Variants in TF observed in about 807,000 individuals in gnomAD.
TF encodes transferrin, also known as serotransferrin.
TF carries 55 observed loss-of-function variants against 82.4 expected under a neutral mutation model. That is an observed-to-expected ratio of 0.67 (90% confidence interval 0.54 to 0.84). The LOEUF is 0.84. Among genes scored for constraint, TF ranks in the 40% least tolerant of loss-of-function variants. The pLI, the probability that TF is intolerant of heterozygous loss-of-function variation, is 0.00. For synonymous variants in TF, 332 were observed against 332.6 expected, an observed-to-expected ratio of 1.00 and a Z score of 0.02; for missense variants, 737 against 868.4, an observed-to-expected ratio of 0.85 and a Z score of 1.90.
the TF span, among the ~76,000 whole-genome samples, chr3:133,719,882 A>G: frequency 2.0e-5 from 3 of 151,930 alleles, no homozygotes; most frequent in Admixed American, 2.0e-4. Context: ...AAATGGAATT[A>G]TTTTCTTGAT....
the TF span, among the ~76,000 whole-genome samples, chr3:133,692,294 C>A: frequency 6.6e-6 from 1 of 152,226 alleles, no homozygotes; most frequent in African/African-American, 2.4e-5. Context: ...TTAGTGTCAT[C>A]GTGTCATCAG....
rs1934824912 is a variant in TF at position 133,791,313 on chromosome 3, C to T, written c.*12693C>T. 1 of 152,116 alleles carries T rather than the reference C, an allele frequency of 6.6e-6. No homozygotes were observed. 9.4% of individuals were successfully genotyped at this position (152,116 alleles called of 1,614,324 possible). ...ATATTTCTCTGTCTGCCCATTTTCT[C>T]CAAAATTCGTAAACTATTTGTGAAT... On this transcript the variant is annotated 3_prime_UTR_variant, in exon 17 of 17. Coordinates refer to ENST00000402696, the MANE Select transcript of TF (RefSeq NM_001063.4).
the TF span, among the ~76,000 whole-genome samples, chr3:133,663,591 C>T: frequency 6.6e-6 from 1 of 152,112 alleles, no homozygotes; most frequent in Non-Finnish European, 1.5e-5. Flanking sequence ...GACTCCTGCT[C>T]ACACTATTCC....
At chr3:133,749,527 G>A (rs1223250881) in intron 2 of TF, among the ~76,000 whole-genome samples, 1 of 152,202 alleles carries the variant, frequency 6.6e-6, no homozygotes, top group African/African-American at 2.4e-5. Flanking sequence ...GGAAAAAGGA[G>A]AGTGTTCTGA....
At chr3:133,778,462 T>G (rs1048265622) in intron 16 of TF, 124 bp from the exon 17 acceptor site, 1 of 1,040,076 alleles carries the variant, frequency 9.6e-7, no homozygotes, top group African/African-American at 1.6e-5. Flanking sequence ...ACGGCCCAGT[T>G]CACAGAAGAG....
the TF span, among the ~76,000 whole-genome samples, chr3:133,678,157 A>G: frequency 6.6e-6 from 1 of 152,202 alleles, no homozygotes; most frequent in East Asian, 1.9e-4. Flanking sequence ...GATGGTTTCC[A>G]GCTTCATCTA....
chr3:133,689,516 T>A, the TF span, among the ~76,000 whole-genome samples: 54 of 152,262 alleles, frequency 3.5e-4, no homozygotes, highest in Non-Finnish European at 3.8e-4. Flanking sequence ...ACAGCCTTTT[T>A]AAAAGAATCA....
chr3:133,768,215 G>C, intron 13 of TF, 51 bp downstream of exon 13: 2 of 1,610,084 alleles, frequency 1.2e-6, no homozygotes, highest in African/African-American at 2.7e-5. Flanking sequence ...GCCCTGGCCA[G>C]ATTTCTTTTA....
At chr3:133,728,728 C>G in the TF span, among the ~76,000 whole-genome samples, 1 of 152,216 alleles carries the variant, frequency 6.6e-6, no homozygotes, top group Non-Finnish European at 1.5e-5. Context: ...AGGAGAGGCA[C>G]TCTGCTTTTT....
At chr3:133,757,976 C>T (rs1386488562) in intron 8 of TF, 30 bp downstream of exon 8, 1 of 1,612,154 alleles carries the variant, frequency 6.2e-7, no homozygotes, top group South Asian at 1.1e-5. Flanking sequence ...CAGGTGACCA[C>T]AAGCACTTGG....
chr3:133,755,380 T>G lies in TF; in HGVS notation c.520T>G (p.Ser174Ala). The G allele has an allele frequency of 1.9e-6, 3 of 1,614,236 alleles. No individual in the cohort carries two copies. Among genetic ancestry groups the G allele is most frequent in the Non-Finnish European group, 2.5e-6 (3 of 1,180,038 alleles). ...PLEKAVANFF[S>A]GSCAPCADGT... ...CTGAGCAGCAGTGGCCAATTTCTTC[T>G]CGGGCAGCTGTGCCCCTTGTGCGGA... The change falls in exon 5 of 17, where the codon TCG (serine) becomes GCG (alanine). Residue 174 changes from serine (S) to alanine (A), a missense_variant. Physicochemically the swap from Ser to Ala is moderately conservative, Grantham distance 99. Coordinates refer to ENST00000402696, the MANE Select transcript of TF (RefSeq NM_001063.4).
chr3:133,745,697 C>A (rs148999004), upstream of TF, among the ~76,000 whole-genome samples: 48 of 152,286 alleles, frequency 3.2e-4, no homozygotes, highest in Middle Eastern at 3.4e-3. Context: ...GTTCCTGGAA[C>A]CTTCTTGTTG....
chr3:133,683,583 C>T, the TF span, among the ~76,000 whole-genome samples: 1 of 152,060 alleles, frequency 6.6e-6, no homozygotes, highest in African/African-American at 2.4e-5. Context: ...TTTAAACCAA[C>T]AAAGATCAGA....
the TF span, among the ~76,000 whole-genome samples, chr3:133,734,749 C>T: frequency 6.6e-6 from 1 of 151,244 alleles, no homozygotes; most frequent in African/African-American, 2.4e-5. Flanking sequence ...CAAAAATGCA[C>T]AACCTGAGTC....
chr3:133,718,759 A>G, the TF span, among the ~76,000 whole-genome samples: 2 of 152,188 alleles, frequency 1.3e-5, no homozygotes, highest in Non-Finnish European at 2.9e-5. Context: ...CCATTAGTCT[A>G]GAGTAGAGAA....
At chr3:133,760,139 T>C (rs766437337) in intron 9 of TF, among the ~76,000 whole-genome samples, 5 of 152,132 alleles carry the variant, frequency 3.3e-5, no homozygotes, top group African/African-American at 4.8e-5. Context: ...CCTCCCCACA[T>C]TTCTTGCCCT....
chr3:133,742,711 A>G (rs981759387), upstream of TF, among the ~76,000 whole-genome samples: 1 of 152,148 alleles, frequency 6.6e-6, no homozygotes, highest in African/African-American at 2.4e-5. Context: ...GGGGGACAGG[A>G]GGAACTGCTC....
intron 10 of TF, 135 bp downstream of exon 10, chr3:133,764,410 C>G: frequency 1.4e-6 from 1 of 729,890 alleles, no homozygotes; most frequent in Admixed American, 2.1e-5. Flanking sequence ...ACTTTGCAAG[C>G]TCTGGGCTCC....
In TF at chr3:133,766,392, C is replaced by T; in HGVS notation, c.1445C>T (p.Pro482Leu). Residue 482 changes from proline to leucine, a missense_variant, in exon 12 of 17, where the codon CCC becomes CTC. By Grantham distance (98) the Pro-to-Leu change is moderately conservative (BLOSUM62 -3). Coordinates refer to ENST00000402696, the MANE Select transcript of TF (RefSeq NM_001063.4). ...GGCAGAACCGCTGGCTGGAACATCC[C>T]CATGGGCCTGCTCTACAATAAGATC... The part of the protein sequence containing the change: ...AVGRTAGWNI[P>L]MGLLYNKINH... The T allele has an allele frequency of 6.2e-7, 1 of 1,614,176 alleles. No individual in the cohort carries two copies. Among genetic ancestry groups the T allele is most frequent in the Non-Finnish European group, 8.5e-7 (1 of 1,180,030 alleles).
Sources: gnomAD v4.1 joint callset for allele counts (sites outside exome capture counted in the v4.1 genomes callset) on GRCh38, gnomAD v4.1.1 for gene constraint, MANE v1.5 for transcripts, NCBI Gene and HGNC (gene_info 2026-07-23, HGNC 2026-07-21) for gene names.